The following AAK1 variants were observed in gnomAD, a reference collection of about 807,000 sequenced individuals.
AAK1 encodes AP2 associated kinase 1, also known as AP2-associated protein kinase 1.
A neutral mutation model predicts 116.0 loss-of-function variants in AAK1; 37 were observed. The ratio of observed to expected loss-of-function variants is 0.32; its 90% CI spans 0.25 to 0.42. The LOEUF (loss-of-function observed/expected upper bound fraction) is 0.42. Among genes scored for constraint, AAK1 ranks in the 10% least tolerant of loss-of-function variants. The pLI, the probability that AAK1 is intolerant of heterozygous loss-of-function variation, is 1.00. For missense variants in AAK1, 919 were observed against 1,170.6 expected, an observed-to-expected ratio of 0.79 and a Z score of 3.14; for synonymous variants, 458 against 439.9, an observed-to-expected ratio of 1.04 and a Z score of -0.51.
At chr2:69,531,099 T>C (rs1670236389) in intron 6 of AAK1, among the ~76,000 whole-genome samples, 1 of 152,148 alleles carries the variant, frequency 6.6e-6, no homozygotes, top group South Asian at 2.1e-4. Context: ...ATACTGACTG[T>C]GGTACTCTGC....
Position 69,514,745 on chromosome 2 carries a change from T to C in AAK1, c.1502A>G (p.Gln501Arg). 2 of 1,586,170 alleles carry C rather than the reference T, an allele frequency of 1.3e-6. No homozygotes were observed. The highest frequency in any genetic ancestry group is 2.2e-5 in the East Asian group (1 of 44,508). The change falls in exon 13 of 22, where the codon CAG (glutamine) becomes CGG (arginine). Residue 501 changes from glutamine (Q) to arginine (R), a missense_variant. Physicochemically the swap from Gln to Arg is conservative, Grantham distance 43 (BLOSUM62 1). This residue lies in a region of AAK1 where 214 missense variants were observed against 210.6 expected (regional missense o/e 1.02). Coordinates refer to ENST00000409085, the MANE Select transcript of AAK1 (RefSeq NM_014911.5). ...TTTCTGGGTTGCTGGATGTACTGCC[T>C]GAAACTGAGCAAGAAATGAGGAGAT... ...QQQQAQTQQFQAVHPATQKPA... is the reference protein window; with the variant it reads ...QQQQAQTQQFRAVHPATQKPA...
chr2:69,540,121 CTTT>C (rs538276702), intron 5 of AAK1, among the ~76,000 whole-genome samples: 6 of 127,814 alleles, frequency 4.7e-5, no homozygotes, highest in Admixed American at 7.7e-5. Flanking sequence ...CCCCACTTGC[CTTT>C]TTTTTTTTTT....
chr2:69,590,879 C>A (rs1672997576), intron 2 of AAK1, among the ~76,000 whole-genome samples: 1 of 152,194 alleles, frequency 6.6e-6, no homozygotes, highest in African/African-American at 2.4e-5. Flanking sequence ...TCCATTCCCA[C>A]CTCCCCAAAA....
intron 2 of AAK1, among the ~76,000 whole-genome samples, chr2:69,638,962 A>G (rs902953305): frequency 6.6e-6 from 1 of 152,230 alleles, no homozygotes. Flanking sequence ...AGAGGCACGT[A>G]CGTGTATCAT....
chr2:69,470,939 GTCTT>G lies in AAK1; in HGVS notation c.*4926_*4929del. Reference sequence around the variant, plus strand: ...CATGCTCCCATTTGAACAGATAAAAGTCTTTATTCCCCTGTATGTTTACATAAGA... The same window carrying G: ...CATGCTCCCATTTGAACAGATAAAAGTATTCCCCTGTATGTTTACATAAGA... On this transcript the variant is annotated 3_prime_UTR_variant, in exon 22 of 22. Transcript: ENST00000409085. The G allele has an allele frequency of 1.0e-6, 1 of 985,804 alleles. No individual in the cohort carries two copies. Among genetic ancestry groups the G allele is most frequent in the South Asian group, 4.7e-5 (1 of 21,288 alleles). 61.1% of individuals were successfully genotyped at this position (985,804 alleles called of 1,614,324 possible). A position where few individuals can be genotyped will look rare whatever the true frequency, so the allele number is the denominator to read the frequency against.
Position 69,467,009 on chromosome 2 carries a change from G to A in AAK1, c.*8860C>T. On this transcript the variant is annotated 3_prime_UTR_variant, in exon 22 of 22. Transcript: ENST00000409085. ...GTGGTCATCCGCGCCACATGCAGAG[G>A]GACAAACTCTCTGAAAAGAAGCAGA... is the stretch of plus-strand genomic sequence containing the variant. 1.0e-6 allele frequency: 1 copy of A among 985,342 alleles called. No individual in the cohort carries two copies. The highest frequency in any genetic ancestry group is 1.2e-6 in the Non-Finnish European group (1 of 829,908). 61.0% of individuals were successfully genotyped at this position (985,342 alleles called of 1,614,324 possible).
intron 5 of AAK1, among the ~76,000 whole-genome samples, chr2:69,541,073 A>G (rs1558946802): frequency 1.3e-5 from 2 of 152,130 alleles, no homozygotes; most frequent in African/African-American, 4.8e-5. Flanking sequence ...AAAGTAGATT[A>G]GGGGTTGCCA....
intron 2 of AAK1, among the ~76,000 whole-genome samples, chr2:69,617,836 G>A (rs1019389519): frequency 6.6e-6 from 1 of 152,186 alleles, no homozygotes; most frequent in Non-Finnish European, 1.5e-5. Flanking sequence ...ATTTTGGTTT[G>A]TTAACACCTA....
At position 69,538,191 on chromosome 2, in the gene AAK1, G is replaced by A. The variant is rs575659810; in HGVS notation, c.534+4332C>T. ...GGCCAACTACTGTGTGTCCAGCATT[G>A]CGCTGCCTCCGTCTTAGGAGCACTG... On this transcript the variant is annotated intron_variant, in intron 5 of 21. Coordinates refer to ENST00000409085, the MANE Select transcript of AAK1 (RefSeq NM_014911.5). Among the ~76,000 whole-genome samples the A allele has an allele frequency of 2.0e-5, 3 of 152,378 alleles. No individual in the cohort carries two copies. In the South Asian group the frequency reaches 6.2e-4, roughly 32 times the overall value.
intron 11 of AAK1, chr2:69,520,152 G>A (rs906236015): frequency 4.4e-6 from 1 of 228,414 alleles, no homozygotes; most frequent in Non-Finnish European, 9.3e-6. Flanking sequence ...AAGCTGCCCT[G>A]GACTGAACTC....
intron 8 of AAK1, among the ~76,000 whole-genome samples, chr2:69,529,773 A>G (rs1670177672): frequency 6.6e-6 from 1 of 152,200 alleles, no homozygotes; most frequent in African/African-American, 2.4e-5. Flanking sequence ...CCAGGCAGTT[A>G]GGATTTCTGC....
intron 2 of AAK1, among the ~76,000 whole-genome samples, chr2:69,616,216 G>A (rs185013966): frequency 2.0e-5 from 3 of 152,296 alleles, no homozygotes; most frequent in Admixed American, 2.0e-4. Flanking sequence ...TGTCCAGGCT[G>A]AGCTTCTGGG....
Position 69,507,546 on chromosome 2 carries a change from C to G in AAK1, c.2039G>C (p.Arg680Pro). The G allele has an allele frequency of 6.2e-7, 1 of 1,611,818 alleles. No homozygotes were observed. Among genetic ancestry groups the G allele is most frequent in the Non-Finnish European group, 8.5e-7 (1 of 1,178,938 alleles). Residue 680 changes from arginine to proline, a missense_variant, in exon 15 of 22, where the codon CGG becomes CCG. Transcript: ENST00000409085. ...SATTTPSGSP[R>P]TSQQNVYNPS... ...ATTATAAACGTTTTGTTGAGAGGTC[C>G]GAGGAGAGCCTGATGGAGTGGTGGT...
rs559941818 is a variant in AAK1, at chr2:69,552,038, T to A, written c.282+4822A>T. 3.3e-5 allele frequency among the ~76,000 whole-genome samples: 5 copies of A among 152,280 alleles called. No homozygotes were observed. In the South Asian group the frequency reaches 1.0e-3, roughly 32 times the overall value. On this transcript the variant is annotated intron_variant, in intron 3 of 21. Coordinates refer to ENST00000409085, the MANE Select transcript of AAK1 (RefSeq NM_014911.5). The stretch of plus-strand genomic sequence containing the variant: ...ATCTTCTGATTCCCTTCACAATTCT[T>A]AGAGTCACTGAGAGAGGTAGGGCTG...
At chr2:69,525,251 C>A in intron 9 of AAK1, 139 bp from the exon 10 acceptor site, 1 of 761,960 alleles carries the variant, frequency 1.3e-6, no homozygotes, top group Admixed American at 2.6e-5. Context: ...AGGCCCTGAG[C>A]TCTGTCTGGT....
Position 69,469,559 on chromosome 2 carries a change from C to T in AAK1, c.*6310G>A, listed in dbSNP as rs140415900. 815 of 985,410 alleles carry T rather than the reference C, an allele frequency of 8.3e-4. 3 individuals carry two copies. The African/African-American group carries it at 0.01, about 13-fold the overall frequency. 61.0% of individuals were successfully genotyped at this position (985,410 alleles called of 1,614,324 possible). A position where few individuals can be genotyped will look rare whatever the true frequency, so the allele number is the denominator to read the frequency against. On this transcript the variant is annotated 3_prime_UTR_variant, in exon 22 of 22. Transcript: ENST00000409085. ...CCTAACCACATGCCTTGACCCAGTT[C>T]CTTTGGTAACCAATGGCACGTCATA...
At chr2:69,549,669 C>T (rs376698514) in intron 3 of AAK1, among the ~76,000 whole-genome samples, 1 of 152,232 alleles carries the variant, frequency 6.6e-6, no homozygotes, top group East Asian at 1.9e-4. Flanking sequence ...TTGGCACCCA[C>T]ATCATACTAT....
chr2:69,486,099 C>CATGT (rs1480668891), intron 17 of AAK1, among the ~76,000 whole-genome samples: 2 of 152,028 alleles, frequency 1.3e-5, no homozygotes, highest in East Asian at 3.9e-4. Context: ...GGGCTACAGG[C>CATGT]ATGTACCACC....
intron 5 of AAK1, among the ~76,000 whole-genome samples, chr2:69,542,299 G>A (rs1474284736): frequency 2.0e-5 from 3 of 152,156 alleles, no homozygotes; most frequent in Admixed American, 6.5e-5. Flanking sequence ...ACAGGCTCAG[G>A]CATGTGATAA....
Sources: allele counts gnomAD v4.1 joint callset (sites outside exome capture counted in the v4.1 genomes callset), GRCh38; gene constraint gnomAD v4.1.1; regional missense constraint gnomAD v4.1.1; transcripts MANE v1.5; gene names NCBI Gene and HGNC (gene_info 2026-07-23, HGNC 2026-07-21).